The following CSMD1 variants were observed in gnomAD, a reference collection of about 807,000 sequenced individuals.
CSMD1 encodes CUB and Sushi multiple domains 1.
In CSMD1, 213 loss-of-function variants were observed where a neutral mutation model predicts 417.5. The observed-to-expected ratio is 0.51, with a 90% CI of 0.46 to 0.57. The LOEUF is 0.57. Ranked by LOEUF, CSMD1 falls within the 20% of genes least tolerant of loss-of-function variation. The pLI is 0.00. For synonymous variants in CSMD1, 2,862 were observed against 1,736.8 expected, an observed-to-expected ratio of 1.65 and a Z score of -16.11; for missense variants, 6,923 against 4,529.7, an observed-to-expected ratio of 1.53 and a Z score of -15.17.
intron 5 of CSMD1, among the ~76,000 whole-genome samples, chr8:3,766,078 G>A (rs1429149462): frequency 2.0e-5 from 3 of 152,172 alleles, no homozygotes; most frequent in African/African-American, 4.8e-5. Context: ...ACTCAAGCCT[G>A]GGAAATGGCT....
At chr8:3,212,822 T>A (rs1255115118) in intron 30 of CSMD1, among the ~76,000 whole-genome samples, 3 of 137,806 alleles carry the variant, frequency 2.2e-5, no homozygotes, top group African/African-American at 8.3e-5. Context: ...GATTTTAGTT[T>A]CTTATATACT....
intron 3 of CSMD1, among the ~76,000 whole-genome samples, chr8:4,257,581 T>C (rs1199156911): frequency 6.6e-6 from 1 of 152,222 alleles, no homozygotes; most frequent in Admixed American, 6.5e-5. Flanking sequence ...ATTTATAAAA[T>C]TCTCTCCCTG....
intron 2 of CSMD1, among the ~76,000 whole-genome samples, chr8:4,428,111 T>G (rs1236286029): frequency 6.6e-6 from 1 of 152,214 alleles, no homozygotes; most frequent in Non-Finnish European, 1.5e-5. Flanking sequence ...GGGATACATC[T>G]CTGATGCCTG....
intron 5 of CSMD1, among the ~76,000 whole-genome samples, chr8:3,916,384 C>A (rs1343339239): frequency 1.3e-5 from 2 of 152,078 alleles, no homozygotes; most frequent in African/African-American, 4.8e-5. Context: ...GAGGTAATTC[C>A]ATGATGAAAT....
rs558427670 is a variant in CSMD1 at position 4,765,449 on chromosome 8, C to A, written c.86-127891G>T. ...CTGTATACTGTTTCAAAGCGTAATT[C>A]AATTAAATGCAGTTCAGTTCAAAAA... On this transcript the variant is annotated intron_variant, in intron 1 of 69. Transcript: ENST00000635120. Among the ~76,000 whole-genome samples the A allele has an allele frequency of 2.0e-5, 3 of 152,228 alleles. No individual in the cohort carries two copies. The South Asian group carries it at 6.2e-4, about 32-fold the overall frequency.
intron 1 of CSMD1, among the ~76,000 whole-genome samples, chr8:4,848,514 C>T (rs924872863): frequency 1.3e-5 from 2 of 151,978 alleles, no homozygotes; most frequent in Non-Finnish European, 2.9e-5. Context: ...AAAAGTCTAG[C>T]ACATAAAATG....
intron 18 of CSMD1, among the ~76,000 whole-genome samples, chr8:3,375,587 A>T (rs1563324932): frequency 6.6e-6 from 1 of 152,064 alleles, no homozygotes; most frequent in African/African-American, 2.4e-5. Flanking sequence ...TGTTGTTCAC[A>T]TATTTATTTA....
intron 10 of CSMD1, among the ~76,000 whole-genome samples, chr8:3,520,828 C>G (rs1005410260): frequency 2.0e-5 from 3 of 152,126 alleles, no homozygotes; most frequent in African/African-American, 7.2e-5. Flanking sequence ...AACATCAACA[C>G]CTCAAATACA....
In CSMD1 at chr8:4,003,649, A is replaced by T. The variant is rs1385240154; in HGVS notation, c.611-5539T>A. 5.3e-5 allele frequency among the ~76,000 whole-genome samples: 8 copies of T among 152,196 alleles called. No individual in the cohort carries two copies. In the East Asian group the frequency reaches 1.5e-3, roughly 29 times the overall value. On this transcript the variant is annotated intron_variant, in intron 4 of 69. Transcript: ENST00000635120. ...AAAAGATAAATTCTGAAAATACATA[A>T]ATACGAAGAGTAAAACTGATCTAGT...
At chr8:4,925,985 G>T (rs1033286993) in intron 1 of CSMD1, among the ~76,000 whole-genome samples, 2 of 152,170 alleles carry the variant, frequency 1.3e-5, no homozygotes, top group African/African-American at 4.8e-5. Context: ...TTTTAGCAAT[G>T]CATTCTTTCC....
intron 29 of CSMD1, among the ~76,000 whole-genome samples, chr8:3,216,019 A>G (rs1797859185): frequency 6.7e-6 from 1 of 149,154 alleles, no homozygotes; most frequent in Admixed American, 6.7e-5. Flanking sequence ...TATTTCCTAT[A>G]TAATTTACAT....
chr8:3,979,522 C>G (rs75787573), intron 5 of CSMD1, among the ~76,000 whole-genome samples: 1,749 of 152,296 alleles, frequency 0.011, 37 homozygotes, highest in African/African-American at 0.04. Flanking sequence ...GAAGCTGTAA[C>G]TCTCCAAGTC....
chr8:3,253,827 C>T (rs1238921410), intron 26 of CSMD1, among the ~76,000 whole-genome samples: 1 of 152,126 alleles, frequency 6.6e-6, no homozygotes, highest in Non-Finnish European at 1.5e-5. Flanking sequence ...ACTCTTTATC[C>T]AATTTGCCAG....
chr8:3,963,744 T>C (rs1812487174), intron 5 of CSMD1, among the ~76,000 whole-genome samples: 1 of 152,176 alleles, frequency 6.6e-6, no homozygotes, highest in Non-Finnish European at 1.5e-5. Context: ...ACAAAAGCTA[T>C]ATGAATATCA....
chr8:3,531,336 T>C (rs1466864724), intron 10 of CSMD1, among the ~76,000 whole-genome samples: 2 of 152,228 alleles, frequency 1.3e-5, no homozygotes, highest in African/African-American at 4.8e-5. Flanking sequence ...TAAAATCTTT[T>C]TTAGCCCCTA....
intron 2 of CSMD1, among the ~76,000 whole-genome samples, chr8:4,569,773 C>G (rs1798794369): frequency 6.6e-6 from 1 of 152,156 alleles, no homozygotes; most frequent in South Asian, 2.1e-4. Context: ...TATCCATGAG[C>G]ATGGAATTTT....
chr8:3,899,021 G>C (rs1807551720), intron 5 of CSMD1, among the ~76,000 whole-genome samples: 1 of 152,088 alleles, frequency 6.6e-6, no homozygotes, highest in Admixed American at 6.6e-5. Context: ...AAGCCACAAA[G>C]GTCGTACGCG....
chr8:4,057,664 T>C (rs1183002650), intron 3 of CSMD1, among the ~76,000 whole-genome samples: 10 of 122,722 alleles, frequency 8.1e-5, no homozygotes, highest in Admixed American at 4.0e-4. Flanking sequence ...TTTATAGTTT[T>C]AGGTGTAACG....
At chr8:4,426,988 C>T (rs983805711) in intron 2 of CSMD1, among the ~76,000 whole-genome samples, 2 of 151,894 alleles carry the variant, frequency 1.3e-5, no homozygotes, top group Admixed American at 6.6e-5. Flanking sequence ...GGGATGGGGA[C>T]AATTTAGATA....
Sources: gnomAD v4.1 joint callset for allele counts (sites outside exome capture counted in the v4.1 genomes callset) on GRCh38, gnomAD v4.1.1 for gene constraint, MANE v1.5 for transcripts, NCBI Gene and HGNC (gene_info 2026-07-23, HGNC 2026-07-21) for gene names.